Variants in FBRSL1 observed in about 807,000 individuals in gnomAD.
The protein encoded by FBRSL1 is fibrosin-1-like protein.
FBRSL1 carries 51 observed loss-of-function variants against 89.6 expected under a neutral mutation model. The ratio of observed to expected loss-of-function variants is 0.57; its 90% CI spans 0.45 to 0.72. The LOEUF is 0.72. Among genes scored for constraint, FBRSL1 ranks in the 30% least tolerant of loss-of-function variants. The pLI, the probability that FBRSL1 is intolerant of heterozygous loss-of-function variation, is 0.00. For synonymous variants in FBRSL1, 779 were observed against 681.1 expected, an observed-to-expected ratio of 1.14 and a Z score of -2.24; for missense variants, 1,618 against 1,451.8, an observed-to-expected ratio of 1.11 and a Z score of -1.86.
chr12:132,578,967 C>T (rs552324324), intron 15 of FBRSL1, among the ~76,000 whole-genome samples: 1 of 152,252 alleles, frequency 6.6e-6, no homozygotes, highest in South Asian at 2.1e-4. Context: ...CATCCTGGCT[C>T]AAGCCCCCCG....
chr12:132,583,382 C>T lies in FBRSL1; in HGVS notation c.2613C>T (p.Ala871=). ...PRRAFPAAAP[A]PGSAALLEPP... ...GCGCCTTCCCCGCTGCCGCCCCCGCCCCGGGCTCCGCCGCCCTCTTGGAGC... is the reference window on the plus strand; with the variant it reads ...GCGCCTTCCCCGCTGCCGCCCCCGCTCCGGGCTCCGCCGCCCTCTTGGAGC... Residue 871 remains alanine (A), a synonymous_variant, in exon 19 of 19, where the codon GCC becomes GCT. Transcript: ENST00000680143. 9.2e-7 allele frequency: 1 copy of T among 1,091,868 alleles called. No individual in the cohort carries two copies. Among genetic ancestry groups the T allele is most frequent in the Non-Finnish European group, 1.1e-6 (1 of 897,682 alleles). 67.6% of individuals were successfully genotyped at this position (1,091,868 alleles called of 1,614,324 possible). A position where few individuals can be genotyped will look rare whatever the true frequency, so the allele number is the denominator to read the frequency against.
intron 1 of FBRSL1, among the ~76,000 whole-genome samples, chr12:132,501,416 C>T (rs1044617909): frequency 7.2e-5 from 11 of 152,188 alleles, no homozygotes; most frequent in Admixed American, 3.3e-4. Flanking sequence ...CAGGCTGCTG[C>T]GTGGGATCGC....
At chr12:132,571,538 C>G in intron 9 of FBRSL1, 1 of 1,466,794 alleles carries the variant, frequency 6.8e-7, no homozygotes, top group Non-Finnish European at 9.0e-7. Context: ...CGTAGGCCCG[C>G]GTGCTGGCAG....
rs1233605862 is a variant in FBRSL1 at position 132,583,189 on chromosome 12, C to T, written c.2420C>T (p.Ala807Val). The change falls in exon 19 of 19, where the codon GCG (alanine) becomes GTG (valine). Residue 807 changes from alanine to valine, a missense_variant. Ala to Val is a moderately conservative substitution (Grantham distance 64). Transcript: ENST00000680143. ...PARASPPHSK[A>V]APGDVKVKEE... Reference sequence around the variant, plus strand: ...CGCGCATCCCCGCCCCACAGCAAGGCGGCCCCTGGAGACGTGAAGGTCAAG... The same window carrying T: ...CGCGCATCCCCGCCCCACAGCAAGGTGGCCCCTGGAGACGTGAAGGTCAAG... The T allele has an allele frequency of 6.9e-7, 1 of 1,449,842 alleles. No homozygotes were observed. The highest frequency in any genetic ancestry group is 9.1e-7 in the Non-Finnish European group (1 of 1,104,674). 89.8% of individuals were successfully genotyped at this position (1,449,842 alleles called of 1,614,324 possible).
At chr12:132,538,024 G>A (rs919511827) in intron 4 of FBRSL1, among the ~76,000 whole-genome samples, 20 of 152,188 alleles carry the variant, frequency 1.3e-4, no homozygotes, top group Non-Finnish European at 5.9e-5. Flanking sequence ...AGACTGGCTG[G>A]GACTCGAAGA....
chr12:132,549,506 AC>A (rs2037973026), intron 5 of FBRSL1, among the ~76,000 whole-genome samples: 1 of 151,960 alleles, frequency 6.6e-6, no homozygotes, highest in African/African-American at 2.4e-5. Context: ...ATAGCCACTC[AC>A]CCCCTCCCCA....
chr12:132,529,407 G>GCCT (rs1663028323), intron 4 of FBRSL1, among the ~76,000 whole-genome samples: 2 of 152,182 alleles, frequency 1.3e-5, no homozygotes, highest in Non-Finnish European at 2.9e-5. Context: ...CAGCCTCATG[G>GCCT]GCAGGAATTG....
intron 4 of FBRSL1, among the ~76,000 whole-genome samples, chr12:132,530,170 T>A (rs7965236): frequency 0.75 from 114,232 of 151,580 alleles, 43,624 homozygotes; most frequent in African/African-American, 0.9. Flanking sequence ...CATCATGAGT[T>A]TGATGACACT....
intron 1 of FBRSL1, among the ~76,000 whole-genome samples, chr12:132,495,418 CA>C (rs2031850888): frequency 6.6e-6 from 1 of 152,198 alleles, no homozygotes; most frequent in South Asian, 2.1e-4. Context: ...CTGAGTTTGC[CA>C]GGGGCACTGT....
Position 132,509,989 on chromosome 12 carries a change from T to C in FBRSL1, c.489+1639T>C. On this transcript the variant is annotated intron_variant, in intron 2 of 18. Transcript: ENST00000680143. ...CAGCCCAGCCGCCCCCGGCGGTCGC[T>C]GCTGCGCCCCAGGCAGCCCCAGCGG... The C allele has an allele frequency of 2.4e-6, 3 of 1,231,520 alleles. No individual in the cohort carries two copies. In the South Asian group the frequency reaches 1.2e-4, roughly 51 times the overall value. The allele number at this position is 1,231,520 out of a possible 1,614,324, so 76.3% of individuals were successfully genotyped here.
intron 4 of FBRSL1, among the ~76,000 whole-genome samples, chr12:132,536,549 A>C (rs1043857209): frequency 6.7e-5 from 10 of 150,064 alleles, no homozygotes; most frequent in Non-Finnish European, 1.5e-4. Flanking sequence ...CTATGTGTAC[A>C]TGACAGTGTG....
At chr12:132,527,603 G>A (rs996742852) in intron 3 of FBRSL1, among the ~76,000 whole-genome samples, 4 of 150,780 alleles carry the variant, frequency 2.7e-5, no homozygotes, top group African/African-American at 9.8e-5. Context: ...TGCGGGGCAG[G>A]GTTGAGGGCT....
intron 14 of FBRSL1, among the ~76,000 whole-genome samples, chr12:132,575,202 G>A (rs921494114): frequency 6.6e-6 from 1 of 152,180 alleles, no homozygotes; most frequent in Non-Finnish European, 1.5e-5. Flanking sequence ...ATGCCCTTTG[G>A]GACGGGACTC....
chr12:132,526,666 G>A (rs182612977), intron 3 of FBRSL1, among the ~76,000 whole-genome samples: 133 of 152,282 alleles, frequency 8.7e-4, no homozygotes, highest in African/African-American at 3.2e-3. Context: ...ATTGATTTGG[G>A]AGAGTGGAGG....
chr12:132,520,772 A>G (rs147758405), intron 2 of FBRSL1, among the ~76,000 whole-genome samples: 5 of 152,280 alleles, frequency 3.3e-5, no homozygotes, highest in African/African-American at 1.2e-4. Flanking sequence ...CCATGGCTCA[A>G]CCAGGCCTGG....
Position 132,583,687 on chromosome 12 carries a change from G to A in FBRSL1, c.2918G>A (p.Arg973Gln), listed in dbSNP as rs2040956232. The change falls in exon 19 of 19, where the codon CGG becomes CAG. Residue 973 changes from arginine to glutamine, a missense_variant. Transcript: ENST00000680143. Reference protein sequence around the residue: ...AGPPTPPGPPRSRTTPLGGLG... With the variant: ...AGPPTPPGPPQSRTTPLGGLG... Reference sequence around the variant, plus strand: ...CCCCCCACGCCCCCCGGGCCGCCGCGGAGCCGGACTACTCCGCTGGGGGGC... The same window carrying A: ...CCCCCCACGCCCCCCGGGCCGCCGCAGAGCCGGACTACTCCGCTGGGGGGC... The A allele has an allele frequency of 2.2e-5, 26 of 1,161,504 alleles. No homozygotes were observed. Among genetic ancestry groups the A allele is most frequent in the Non-Finnish European group, 2.7e-5 (25 of 942,838 alleles). 71.9% of individuals were successfully genotyped at this position (1,161,504 alleles called of 1,614,324 possible). A position where few individuals can be genotyped will look rare whatever the true frequency, so the allele number is the denominator to read the frequency against.
At chr12:132,505,690 C>G (rs967043682) in intron 1 of FBRSL1, among the ~76,000 whole-genome samples, 1 of 152,194 alleles carries the variant, frequency 6.6e-6, no homozygotes, top group Non-Finnish European at 1.5e-5. Context: ...CCTCCTTGGT[C>G]GTGCCTCTCT....
At chr12:132,545,098 C>T (rs1003593813) in intron 4 of FBRSL1, among the ~76,000 whole-genome samples, 7 of 152,186 alleles carry the variant, frequency 4.6e-5, no homozygotes, top group African/African-American at 1.4e-4. Context: ...CTCAGGGCCT[C>T]GCCCAGTGTG....
rs1033106085 is a variant in FBRSL1, at chr12:132,583,035, G to C, written c.2266G>C (p.Val756Leu). Reference protein sequence around the residue: ...ASPATPAGHPVSGLLLRAQSE... With the variant: ...ASPATPAGHPLSGLLLRAQSE... ...GCCCGCCACCCCCGCTGGCCACCCC[G>C]TCAGCGGCCTCCTGCTCCGGGCCCA... The change falls in exon 19 of 19, where the codon GTC becomes CTC. Residue 756 changes from valine (V) to leucine (L), a missense_variant. By Grantham distance (32) the Val-to-Leu change is conservative. Transcript: ENST00000680143. 7 of 1,455,628 alleles carry C rather than the reference G, an allele frequency of 4.8e-6. No homozygotes were observed. The African/African-American group carries it at 7.5e-5, about 16-fold the overall frequency. The allele number at this position is 1,455,628 out of a possible 1,614,324, so 90.2% of individuals were successfully genotyped here. A position where few individuals can be genotyped will look rare whatever the true frequency, so the allele number is the denominator to read the frequency against.
Sources: allele counts gnomAD v4.1 joint callset (sites outside exome capture counted in the v4.1 genomes callset), GRCh38; gene constraint gnomAD v4.1.1; transcripts MANE v1.5; gene names NCBI Gene and HGNC (gene_info 2026-07-23, HGNC 2026-07-21).